Variants in COP1 observed in about 807,000 individuals in gnomAD.
COP1 encodes the protein COP1 E3 ubiquitin ligase, also known as E3 ubiquitin-protein ligase COP1.
COP1 carries 24 observed loss-of-function variants against 101.3 expected under a neutral mutation model. The ratio of observed to expected loss-of-function variants is 0.24; its 90% CI spans 0.17 to 0.33. COP1 has a LOEUF of 0.33. Among genes scored for constraint, COP1 ranks in the 10% least tolerant of loss-of-function variants. The pLI, the probability that COP1 is intolerant of heterozygous loss-of-function variation, is 1.00. For missense variants in COP1, 663 were observed against 906.2 expected, an observed-to-expected ratio of 0.73 and a Z score of 3.45; for synonymous variants, 347 against 341.9, an observed-to-expected ratio of 1.01 and a Z score of -0.17.
intron 5 of COP1, among the ~76,000 whole-genome samples, chr1:176,160,666 GA>G (rs923071308): frequency 3.3e-5 from 5 of 151,618 alleles, no homozygotes; most frequent in African/African-American, 9.7e-5. Flanking sequence ...AAAAACGTAT[GA>G]AAAAAAACTC....
At chr1:176,108,160 T>C (rs976551583) in intron 9 of COP1, among the ~76,000 whole-genome samples, 16 of 152,154 alleles carry the variant, frequency 1.1e-4, no homozygotes, top group African/African-American at 3.9e-4. Context: ...AATTGTACTA[T>C]GGTTATATAA....
chr1:176,129,300 A>G (rs1688532836), intron 8 of COP1, among the ~76,000 whole-genome samples: 1 of 151,900 alleles, frequency 6.6e-6, no homozygotes, highest in South Asian at 2.1e-4. Context: ...GTATGTCTCA[A>G]AAATGTCTGA....
chr1:176,088,976 C>T (rs1427606348), intron 9 of COP1, among the ~76,000 whole-genome samples: 1 of 124,024 alleles, frequency 8.1e-6, no homozygotes, highest in East Asian at 2.4e-4. Flanking sequence ...GCCTGGGCAA[C>T]AAGAGCAAAA....
chr1:176,045,003 T>C (rs1292512495), intron 12 of COP1, among the ~76,000 whole-genome samples: 16 of 152,224 alleles, frequency 1.1e-4, no homozygotes, highest in Admixed American at 8.5e-4. Flanking sequence ...TAAGTATTAC[T>C]ATTGTGACCT....
chr1:176,186,263 A>G (rs1306890505), intron 1 of COP1, among the ~76,000 whole-genome samples: 1 of 152,030 alleles, frequency 6.6e-6, no homozygotes, highest in Non-Finnish European at 1.5e-5. Context: ...TGTCACTGCT[A>G]AGACACAGAA....
chr1:176,052,006 G>C (rs1266118029), intron 11 of COP1, among the ~76,000 whole-genome samples: 1 of 152,096 alleles, frequency 6.6e-6, no homozygotes, highest in Non-Finnish European at 1.5e-5. Flanking sequence ...AATTTAGCTA[G>C]CCAAAGTGTG....
intron 11 of COP1, among the ~76,000 whole-genome samples, chr1:176,080,821 AG>A (rs1228684476): frequency 6.6e-6 from 1 of 152,194 alleles, no homozygotes; most frequent in Non-Finnish European, 1.5e-5. Flanking sequence ...AAAATATTTA[AG>A]GAAGAAATAA....
At chr1:175,963,497 T>C (rs1651639153) in intron 18 of COP1, among the ~76,000 whole-genome samples, 1 of 152,166 alleles carries the variant, frequency 6.6e-6, no homozygotes, top group Non-Finnish European at 1.5e-5. Flanking sequence ...ATCCCTTATT[T>C]AGCTGTGTAA....
At chr1:176,121,787 G>A (rs537686208) in intron 8 of COP1, among the ~76,000 whole-genome samples, 2 of 152,114 alleles carry the variant, frequency 1.3e-5, no homozygotes, top group East Asian at 3.9e-4. Flanking sequence ...CACAAATTTT[G>A]TATAAATAAA....
intron 11 of COP1, among the ~76,000 whole-genome samples, chr1:176,047,109 A>T (rs1671655014): frequency 6.6e-6 from 1 of 152,210 alleles, no homozygotes; most frequent in African/African-American, 2.4e-5. Context: ...TTACATAACC[A>T]GCTGGAAATC....
In COP1 at chr1:176,029,804, C is replaced by T. The variant is rs533725508; in HGVS notation, c.1613-2116G>A. On this transcript the variant is annotated intron_variant, in intron 14 of 19. Transcript: ENST00000367669. ...TCCAATAAATACCACTTCTATGAAA[C>T]GGGATTACGTAAGAATTTAATATGT... Among the ~76,000 whole-genome samples, 4 of 152,160 alleles carry T rather than the reference C, an allele frequency of 2.6e-5. No homozygotes were observed. In the East Asian group the frequency reaches 5.8e-4, roughly 22 times the overall value.
intron 5 of COP1, among the ~76,000 whole-genome samples, chr1:176,154,733 T>A (rs139565800): frequency 7.9e-5 from 12 of 152,078 alleles, no homozygotes; most frequent in Non-Finnish European, 1.5e-5. Context: ...TGAACCCCCA[T>A]GACACAAGTT....
chr1:176,136,488 T>G lies in COP1; in HGVS notation c.891A>C (p.Glu297Asp). ...ATGTGAGAAATTCTTGATTCCTTAC[T>G]TCCACTCTCTTAATATCCTCTTCCA... ...SVLEEDIKRVEEMSGLYSPVS... is the reference protein window; with the variant it reads ...SVLEEDIKRVDEMSGLYSPVS... The change falls in exon 7 of 20, where the codon GAA becomes GAC. Residue 297 changes from glutamate to aspartate, a missense_variant and splice_region_variant. Physicochemically the swap from Glu to Asp is conservative, Grantham distance 45. This residue lies in a region of COP1 where 212 missense variants were observed against 240.7 expected (regional missense o/e 0.88). Coordinates refer to ENST00000367669, the MANE Select transcript of COP1 (RefSeq NM_022457.7). 2 of 1,592,924 alleles carry G rather than the reference T, an allele frequency of 1.3e-6. No individual in the cohort carries two copies. The highest frequency in any genetic ancestry group is 1.7e-6 in the Non-Finnish European group (2 of 1,164,294).
intron 11 of COP1, among the ~76,000 whole-genome samples, chr1:176,060,781 A>G (rs1199853851): frequency 6.6e-6 from 1 of 152,220 alleles, no homozygotes; most frequent in African/African-American, 2.4e-5. Flanking sequence ...TGTATATTTA[A>G]AAATGTGTCC....
chr1:176,125,229 T>C (rs1687817173), intron 8 of COP1, among the ~76,000 whole-genome samples: 1 of 152,202 alleles, frequency 6.6e-6, no homozygotes, highest in African/African-American at 2.4e-5. Context: ...TGCTGATTGT[T>C]TCCTTTGGTG....
chr1:176,052,537 A>G (rs570907542), intron 11 of COP1, among the ~76,000 whole-genome samples: 44 of 152,284 alleles, frequency 2.9e-4, no homozygotes, highest in African/African-American at 1.0e-3. Context: ...CCCATTTACT[A>G]CTATGTAAAA....
chr1:176,184,716 G>A (rs1320212327), intron 1 of COP1, 24 bp from the exon 2 acceptor site: 1 of 1,557,710 alleles, frequency 6.4e-7, no homozygotes. Flanking sequence ...AAAAATAATT[G>A]ATTTTTTTTT....
At chr1:176,062,473 A>G (rs188007974) in intron 11 of COP1, among the ~76,000 whole-genome samples, 1 of 152,356 alleles carries the variant, frequency 6.6e-6, no homozygotes, top group East Asian at 1.9e-4. Context: ...TGATATTTAA[A>G]AAAAATAACA....
intron 18 of COP1, among the ~76,000 whole-genome samples, chr1:175,970,994 G>C (rs1189666742): frequency 1.3e-5 from 2 of 152,234 alleles, no homozygotes; most frequent in South Asian, 2.1e-4. Context: ...CGAGAGAAGG[G>C]GAAGGGGAAG....
Sources: gnomAD v4.1 joint callset for allele counts (sites outside exome capture counted in the v4.1 genomes callset) on GRCh38, gnomAD v4.1.1 for gene constraint, gnomAD v4.1.1 regional missense constraint, MANE v1.5 for transcripts, NCBI Gene and HGNC (gene_info 2026-07-23, HGNC 2026-07-21) for gene names.